CACNA2D3: variants seen among roughly 807,000 people sequenced by gnomAD.
CACNA2D3 encodes the protein voltage-dependent calcium channel subunit alpha-2/delta-3.
A neutral mutation model predicts 160.6 loss-of-function variants in CACNA2D3; 60 were observed. That is an observed-to-expected ratio of 0.37 (90% confidence interval 0.30 to 0.46). The LOEUF is 0.46. Ranked by LOEUF, CACNA2D3 falls within the 20% of genes least tolerant of loss-of-function variation. The pLI, the probability that CACNA2D3 is intolerant of heterozygous loss-of-function variation, is 1.00. For synonymous variants in CACNA2D3, 558 were observed against 492.9 expected (o/e 1.13, Z -1.75); for missense variants, 1,205 against 1,365.0 (o/e 0.88, Z 1.85).
chr3:54,695,444 G>A (rs886140001), intron 11 of CACNA2D3, among the ~76,000 whole-genome samples: 10 of 151,310 alleles, frequency 6.6e-5, no homozygotes, highest in African/African-American at 2.4e-4. Flanking sequence ...TTGTTTCTAG[G>A]ATGCATACAT....
intron 2 of CACNA2D3, among the ~76,000 whole-genome samples, chr3:54,273,550 C>T (rs1702664679): frequency 6.6e-6 from 1 of 152,148 alleles, no homozygotes; most frequent in Admixed American, 6.5e-5. Context: ...GGCAGCGTTT[C>T]CCCTTTGGTG....
chr3:54,545,027 A>T (rs1702039526), intron 5 of CACNA2D3, among the ~76,000 whole-genome samples: 1 of 152,190 alleles, frequency 6.6e-6, no homozygotes, highest in Non-Finnish European at 1.5e-5. Context: ...ATTAGTCATC[A>T]AATGCGTTAG....
intron 3 of CACNA2D3, among the ~76,000 whole-genome samples, chr3:54,321,102 C>G (rs556859460): frequency 3.7e-4 from 56 of 152,240 alleles, no homozygotes; most frequent in African/African-American, 1.2e-3. Flanking sequence ...GGCAGATCAT[C>G]TGAGGTCAGG....
chr3:54,780,802 C>T (rs945617219), intron 13 of CACNA2D3, among the ~76,000 whole-genome samples: 5 of 152,124 alleles, frequency 3.3e-5, no homozygotes, highest in African/African-American at 1.2e-4. Context: ...ACTTTTGTAA[C>T]AGTATACTAA....
chr3:54,519,552 C>T (rs1248838605), intron 5 of CACNA2D3, among the ~76,000 whole-genome samples: 1 of 152,220 alleles, frequency 6.6e-6, no homozygotes, highest in Admixed American at 6.5e-5. Context: ...TTTTCTGAGC[C>T]TTGCCTCCTT....
At chr3:54,359,151 T>C (rs1698700340) in intron 3 of CACNA2D3, among the ~76,000 whole-genome samples, 1 of 152,172 alleles carries the variant, frequency 6.6e-6, no homozygotes, top group Admixed American at 6.5e-5. Flanking sequence ...TCAGGGTCTG[T>C]CCTCAAAATA....
At chr3:54,594,049 C>T (rs1030787214) in intron 9 of CACNA2D3, among the ~76,000 whole-genome samples, 1 of 152,024 alleles carries the variant, frequency 6.6e-6, no homozygotes, top group Non-Finnish European at 1.5e-5. Flanking sequence ...ACACGATTAG[C>T]CAGTATATGC....
intron 2 of CACNA2D3, among the ~76,000 whole-genome samples, chr3:54,262,817 G>A (rs1702429448): frequency 6.6e-6 from 1 of 152,218 alleles, no homozygotes; most frequent in Non-Finnish European, 1.5e-5. Context: ...ACCTCCCAGT[G>A]CTGGGAGTGG....
intron 13 of CACNA2D3, among the ~76,000 whole-genome samples, chr3:54,788,862 C>CT (rs2106641590): frequency 1.3e-5 from 2 of 152,270 alleles, no homozygotes; most frequent in African/African-American, 4.8e-5. Flanking sequence ...TTTGCCTACT[C>CT]TAAGTATTCT....
At chr3:54,871,052 AC>A (rs1699513500) in intron 17 of CACNA2D3, among the ~76,000 whole-genome samples, 1 of 18,846 alleles carries the variant, frequency 5.3e-5, no homozygotes, top group Admixed American at 8.5e-4. Flanking sequence ...ATACACACAC[AC>A]ACACACACAC....
intron 17 of CACNA2D3, among the ~76,000 whole-genome samples, chr3:54,861,067 G>A (rs1001335620): frequency 2.0e-5 from 3 of 152,094 alleles, no homozygotes; most frequent in Non-Finnish European, 4.4e-5. Context: ...CATGTGGTCC[G>A]GTGGTGAACC....
chr3:54,517,073 C>T (rs1701563228), intron 5 of CACNA2D3, among the ~76,000 whole-genome samples: 1 of 152,080 alleles, frequency 6.6e-6, no homozygotes, highest in African/African-American at 2.4e-5. Flanking sequence ...CTAAGGATCA[C>T]ACGGATTTGG....
rs1553897903 is a variant in CACNA2D3 at position 54,871,221 on chromosome 3, ACACC to A, written c.1627-316_1627-313del. ...CACACACACACACACACACACACAC[ACACC>A]CCCCATTCAAGGAGGGGACAGATTT... is the stretch of plus-strand genomic sequence containing the variant. On this transcript the variant is annotated intron_variant, in intron 17 of 37. Transcript: ENST00000474759. Among the ~76,000 whole-genome samples, 89 of 140,904 alleles carry A rather than the reference ACACC, an allele frequency of 6.3e-4. 1 individual carries two copies. Among genetic ancestry groups the A allele is most frequent in the Middle Eastern group, 7.1e-3 (2 of 282 alleles). 92.4% of individuals were successfully genotyped at this position (140,904 alleles called of 152,430 possible). A position where few individuals can be genotyped will look rare whatever the true frequency, so the allele number is the denominator to read the frequency against.
At chr3:54,944,818 T>G (rs941376373) in intron 27 of CACNA2D3, among the ~76,000 whole-genome samples, 7 of 100,848 alleles carry the variant, frequency 6.9e-5, no homozygotes, top group Non-Finnish European at 1.4e-4. Context: ...GCTGGGGGTG[T>G]GTGTGTGTGT....
rs548489701 is a variant in CACNA2D3, at chr3:54,368,541, A to G, written c.322-18174A>G. ...GAGAGAGTGAGTGAGCACAGAACAG[A>G]GACAGAGAGGGAGAGAAAACCCAGG... On this transcript the variant is annotated intron_variant, in intron 3 of 37. Transcript: ENST00000474759. 5.3e-5 allele frequency among the ~76,000 whole-genome samples: 8 copies of G among 151,496 alleles called. No individual in the cohort carries two copies. The East Asian group carries it at 1.6e-3, about 29-fold the overall frequency.
At chr3:54,662,826 G>A (rs1699996511) in intron 11 of CACNA2D3, among the ~76,000 whole-genome samples, 1 of 152,202 alleles carries the variant, frequency 6.6e-6, no homozygotes, top group South Asian at 2.1e-4. Flanking sequence ...GAGTAACCAG[G>A]AGTTAGAGTC....
chr3:54,575,683 G>C (rs1702568887), intron 8 of CACNA2D3, among the ~76,000 whole-genome samples: 1 of 152,152 alleles, frequency 6.6e-6, no homozygotes, highest in Non-Finnish European at 1.5e-5. Flanking sequence ...GGGGGGCTGG[G>C]TGTCTAGAGC....
intron 2 of CACNA2D3, among the ~76,000 whole-genome samples, chr3:54,140,168 A>G (rs1699897138): frequency 6.6e-6 from 1 of 152,324 alleles, no homozygotes; most frequent in South Asian, 2.1e-4. Flanking sequence ...AATTCTTGGC[A>G]TCAAAGGTGA....
rs188968993 is a variant in CACNA2D3 at position 55,009,871 on chromosome 3, C to T, written c.2875+428C>T. Among the ~76,000 whole-genome samples, 561 of 152,146 alleles carry T rather than the reference C, an allele frequency of 3.7e-3. 1 individual carries two copies. Among genetic ancestry groups the T allele is most frequent in the Non-Finnish European group, 6.2e-3 (421 of 67,994 alleles). ...CCACATTACTATCCCTTCTCAAATACCTTTGATGATTTGAGGAGGGTGTAA... is the reference window on the plus strand; with the variant it reads ...CCACATTACTATCCCTTCTCAAATATCTTTGATGATTTGAGGAGGGTGTAA... On this transcript the variant is annotated intron_variant, in intron 34 of 37. Transcript: ENST00000474759.
Sources: gnomAD v4.1 joint callset for allele counts (sites outside exome capture counted in the v4.1 genomes callset) on GRCh38, gnomAD v4.1.1 for gene constraint, MANE v1.5 for transcripts, NCBI Gene and HGNC (gene_info 2026-07-23, HGNC 2026-07-21) for gene names.